Variants in SCMH1 observed in about 807,000 individuals in gnomAD.
SCMH1 encodes polycomb protein SCMH1.
In SCMH1, 37 loss-of-function variants were observed where a neutral mutation model predicts 70.8. The ratio of observed to expected loss-of-function variants is 0.52; its 90% CI spans 0.40 to 0.69. SCMH1 has a LOEUF of 0.69. Among genes scored for constraint, SCMH1 ranks in the 30% least tolerant of loss-of-function variants. The pLI, the probability that SCMH1 is intolerant of heterozygous loss-of-function variation, is 0.00. For synonymous variants in SCMH1, 292 were observed against 307.4 expected, an observed-to-expected ratio of 0.95 and a Z score of 0.52; for missense variants, 607 against 827.3, an observed-to-expected ratio of 0.73 and a Z score of 3.27.
intron 2 of SCMH1, among the ~76,000 whole-genome samples, chr1:41,184,782 A>T (rs1377662572): frequency 6.6e-6 from 1 of 152,134 alleles, no homozygotes; most frequent in African/African-American, 2.4e-5. Flanking sequence ...GCTGAGAGAA[A>T]ATTCACAGGT....
chr1:41,135,038 T>C (rs549668697), intron 6 of SCMH1, among the ~76,000 whole-genome samples: 2 of 152,332 alleles, frequency 1.3e-5, no homozygotes, highest in Admixed American at 6.5e-5. Context: ...TCCAACCTAC[T>C]ATTATGTCTT....
In SCMH1 at chr1:41,074,955, C is replaced by T. The variant is rs565520265; in HGVS notation, c.978+264G>A. On this transcript the variant is annotated intron_variant, in intron 9 of 14. Coordinates refer to ENST00000337495, the Ensembl canonical transcript of SCMH1. ...TCCGCTCACTGCAAGCTCCACCTCC[C>T]GGGTTCACGTCATTCTCCTGCCTCA... 1.2e-4 allele frequency among the ~76,000 whole-genome samples: 18 copies of T among 152,316 alleles called. No individual in the cohort carries two copies. The South Asian group carries it at 2.9e-3, about 25-fold the overall frequency.
At chr1:41,165,129 T>C (rs2148459785) in intron 2 of SCMH1, among the ~76,000 whole-genome samples, 1 of 152,278 alleles carries the variant, frequency 6.6e-6, no homozygotes, top group East Asian at 1.9e-4. Flanking sequence ...ATTCTACATG[T>C]GAGATTATAT....
At chr1:41,094,905 T>A (rs1306399855) in intron 8 of SCMH1, among the ~76,000 whole-genome samples, 2 of 150,488 alleles carry the variant, frequency 1.3e-5, no homozygotes, top group African/African-American at 2.5e-5. Context: ...AAAAAAAAAA[T>A]TCTTTTTCCT....
intron 13 of SCMH1, among the ~76,000 whole-genome samples, chr1:41,032,298 G>A (rs964974203): frequency 1.3e-5 from 2 of 152,150 alleles, no homozygotes; most frequent in African/African-American, 4.8e-5. Context: ...ACTCCATGAG[G>A]GCAGGTGGTA....
intron 8 of SCMH1, among the ~76,000 whole-genome samples, chr1:41,089,923 C>G (rs1662913767): frequency 6.6e-6 from 1 of 151,488 alleles, no homozygotes; most frequent in South Asian, 2.1e-4. Flanking sequence ...TCTCGAGTAG[C>G]TGGGACTACA....
In SCMH1 at chr1:41,092,946, A is replaced by C. The variant is rs553284212; in HGVS notation, c.746-17495T>G. Among the ~76,000 whole-genome samples the C allele has an allele frequency of 3.1e-4, 47 of 152,356 alleles. No homozygotes were observed. In the South Asian group the frequency reaches 8.9e-3, roughly 29 times the overall value. On this transcript the variant is annotated intron_variant, in intron 8 of 14. Coordinates refer to ENST00000337495, the Ensembl canonical transcript of SCMH1. ...GGTGGGACTGTAAACTAGTTCAACC[A>C]TTGTGGAAGACAGTGTGGCGATTCC...
chr1:41,237,527 G>A (rs1029440000), intron 1 of SCMH1, among the ~76,000 whole-genome samples: 1 of 152,148 alleles, frequency 6.6e-6, no homozygotes, highest in Non-Finnish European at 1.5e-5. Context: ...AATGTATCCA[G>A]AATCAACTCC....
chr1:41,037,626 G>T, intron 12 of SCMH1, 85 bp from the exon 13 acceptor site: 1 of 1,230,434 alleles, frequency 8.1e-7, no homozygotes, highest in Non-Finnish European at 1.2e-6. Flanking sequence ...GGAGCAAGCA[G>T]CAACAACAGA....
At chr1:41,189,055 T>C (rs1390254647) in intron 1 of SCMH1, among the ~76,000 whole-genome samples, 1 of 152,176 alleles carries the variant, frequency 6.6e-6, no homozygotes, top group Non-Finnish European at 1.5e-5. Flanking sequence ...ACTGTGGTGA[T>C]GGAAGGACAA....
intron 2 of SCMH1, among the ~76,000 whole-genome samples, chr1:41,180,916 C>T (rs1648544798): frequency 1.3e-5 from 2 of 152,142 alleles, no homozygotes; most frequent in African/African-American, 4.8e-5. Context: ...AAGAACAAAG[C>T]TAGAGGCATC....
At chr1:41,046,598 G>A in exon 12 of SCMH1, 1 of 1,613,794 alleles carries the variant, frequency 6.2e-7, no homozygotes, top group Non-Finnish European at 8.5e-7. Flanking sequence ...GTCAAACACG[G>A]CTGTGGAGTG....
chr1:41,098,140 T>C (rs1300709226), intron 8 of SCMH1, among the ~76,000 whole-genome samples: 2 of 152,236 alleles, frequency 1.3e-5, no homozygotes, highest in African/African-American at 2.4e-5. Context: ...TTATATATTA[T>C]ATATTTCTGG....
At chr1:41,189,285 G>A (rs1238720946) in intron 1 of SCMH1, among the ~76,000 whole-genome samples, 9 of 152,196 alleles carry the variant, frequency 5.9e-5, no homozygotes, top group African/African-American at 2.2e-4. Context: ...GAGTAGCTGG[G>A]ATGAGAGGTG....
At chr1:41,119,858 T>C (rs1366971428) in intron 6 of SCMH1, among the ~76,000 whole-genome samples, 1 of 152,212 alleles carries the variant, frequency 6.6e-6, no homozygotes, top group Non-Finnish European at 1.5e-5. Context: ...CCTCCTTTTT[T>C]CCCTCTCTAA....
Position 41,155,984 on chromosome 1 carries a change from C to CA in SCMH1, c.107-4301dup, listed in dbSNP as rs386366781. On this transcript the variant is annotated intron_variant, in intron 4 of 14. Coordinates refer to ENST00000337495, the Ensembl canonical transcript of SCMH1. ...TAGGTGACAGAGTAAGACTCCGTCT[C>CA]AAAAAAAAAAAAAAAAAAAAAAAGC... Among the ~76,000 whole-genome samples, 221 of 74,498 alleles carry CA rather than the reference C, an allele frequency of 3.0e-3. 2 individuals are homozygous for CA. Among genetic ancestry groups the CA allele is most frequent in the Middle Eastern group, 0.014 (2 of 142 alleles). 48.9% of individuals were successfully genotyped at this position (74,498 alleles called of 152,430 possible). A position where few individuals can be genotyped will look rare whatever the true frequency, so the allele number is the denominator to read the frequency against.
chr1:41,193,261 T>C (rs894200059), intron 1 of SCMH1, among the ~76,000 whole-genome samples: 1 of 152,212 alleles, frequency 6.6e-6, no homozygotes, highest in East Asian at 1.9e-4. Flanking sequence ...CAGATCCTTA[T>C]AAGGAAAGAA....
At chr1:41,065,139 G>A (rs1654135907) in intron 10 of SCMH1, among the ~76,000 whole-genome samples, 1 of 152,204 alleles carries the variant, frequency 6.6e-6, no homozygotes, top group Non-Finnish European at 1.5e-5. Flanking sequence ...TCAATGTAGA[G>A]ATTGACTGCA....
intron 4 of SCMH1, among the ~76,000 whole-genome samples, chr1:41,151,957 A>T (rs1018505782): frequency 6.6e-6 from 1 of 152,206 alleles, no homozygotes; most frequent in Admixed American, 6.5e-5. Flanking sequence ...CCAAAGCAAG[A>T]TATACTAGTA....
Sources: gnomAD v4.1 joint callset for allele counts (sites outside exome capture counted in the v4.1 genomes callset) on GRCh38, gnomAD v4.1.1 for gene constraint, MANE v1.5 for transcripts, NCBI Gene and HGNC (gene_info 2026-07-23, HGNC 2026-07-21) for gene names.